ERICH5: variants seen among roughly 807,000 people sequenced by gnomAD.
ERICH5 encodes glutamate rich 5.
A neutral mutation model predicts 28.0 loss-of-function variants in ERICH5; 24 were observed. The observed-to-expected ratio is 0.86, with a 90% confidence interval of 0.62 to 1.21. The LOEUF (loss-of-function observed/expected upper bound fraction) is 1.21. Ranked by LOEUF, ERICH5 falls within the 50% of genes most tolerant of loss-of-function variation. The pLI, the probability that ERICH5 is intolerant of heterozygous loss-of-function variation, is 0.00. For synonymous variants in ERICH5, 163 were observed against 157.6 expected (o/e 1.03, Z -0.25); for missense variants, 421 against 441.2 (o/e 0.95, Z 0.41).
intron 1 of ERICH5, 135 bp from the exon 2 acceptor site, chr8:98,088,941 T>G (rs1352145071): frequency 3.0e-6 from 2 of 655,852 alleles, no homozygotes; most frequent in Non-Finnish European, 5.1e-6. Flanking sequence ...GTATGGCCTT[T>G]CTGTACTCAG....
At chr8:98,077,396 A>G (rs1202380427) in intron 1 of ERICH5, among the ~76,000 whole-genome samples, 2 of 152,164 alleles carry the variant, frequency 1.3e-5, no homozygotes, top group African/African-American at 4.8e-5. Flanking sequence ...CAAATGTTGG[A>G]TTTCCTTGTG....
chr8:98,086,815 G>C (rs1434095202), intron 1 of ERICH5, among the ~76,000 whole-genome samples: 1 of 152,002 alleles, frequency 6.6e-6, no homozygotes, highest in Non-Finnish European at 1.5e-5. Context: ...GCCGGGCGTG[G>C]TGGTGGGTGC....
chr8:98,086,206 T>C lies in ERICH5; in HGVS notation c.59-2870T>C, dbSNP rs143050323. Among the ~76,000 whole-genome samples the C allele has an allele frequency of 3.6e-3, 551 of 152,024 alleles. 4 individuals are homozygous for C. The highest frequency in any genetic ancestry group is 0.012 in the African/African-American group (516 of 41,484). Reference sequence around the variant, plus strand: ...GGAAGAACAGAAAAAAAGACAATAATAGAACAATACTGGAGTTTAGGAAGC... The same window carrying C: ...GGAAGAACAGAAAAAAAGACAATAACAGAACAATACTGGAGTTTAGGAAGC... On this transcript the variant is annotated intron_variant, in intron 1 of 2. Coordinates refer to ENST00000318528, the MANE Select transcript of ERICH5 (RefSeq NM_173549.3).
At position 98,093,202 on chromosome 8, in the gene ERICH5, C is replaced by G; in HGVS notation, c.1013-19C>G. On this transcript the variant is annotated intron_variant, in intron 2 of 2. Transcript: ENST00000318528. The stretch of plus-strand genomic sequence containing the variant: ...TCTAAATAAATGTCTCTTAGTATCT[C>G]CTTTGGTTACTTTTCCAGGTGAGAC... 6.5e-7 allele frequency: 1 copy of G among 1,542,942 alleles called. No individual in the cohort carries two copies. Among genetic ancestry groups the G allele is most frequent in the South Asian group, 1.1e-5 (1 of 88,498 alleles).
intron 1 of ERICH5, among the ~76,000 whole-genome samples, chr8:98,068,463 T>A (rs1814856701): frequency 6.6e-6 from 1 of 152,222 alleles, no homozygotes; most frequent in Admixed American, 6.5e-5. Context: ...GGAAAGAGAC[T>A]TTTCATTCCA....
intron 2 of ERICH5, among the ~76,000 whole-genome samples, chr8:98,091,085 A>C (rs1308208091): frequency 1.3e-5 from 2 of 152,056 alleles, no homozygotes; most frequent in Non-Finnish European, 2.9e-5. Context: ...CTACAGGCGC[A>C]CACCACCATG....
chr8:98,080,950 G>A (rs1815173072), intron 1 of ERICH5, among the ~76,000 whole-genome samples: 5 of 151,958 alleles, frequency 3.3e-5, no homozygotes, highest in Non-Finnish European at 7.4e-5. Context: ...TGATTTGCCC[G>A]CCTCGGCCTC....
chr8:98,073,492 A>G (rs1442809055), intron 1 of ERICH5, among the ~76,000 whole-genome samples: 2 of 2,858 alleles, frequency 7.0e-4, no homozygotes, highest in Non-Finnish European at 1.1e-3. Flanking sequence ...ATATGTATAT[A>G]TATATATATA....
intron 1 of ERICH5, among the ~76,000 whole-genome samples, chr8:98,075,457 C>T (rs190314506): frequency 6.6e-6 from 1 of 151,458 alleles, no homozygotes; most frequent in East Asian, 1.9e-4. Flanking sequence ...TTACAAGTGG[C>T]TTTTCATTCT....
chr8:98,074,472 GAGTACAGCCT>G (rs963607363), intron 1 of ERICH5, among the ~76,000 whole-genome samples: 34 of 140,286 alleles, frequency 2.4e-4, no homozygotes, highest in Non-Finnish European at 2.4e-4. Flanking sequence ...CACCCAGGCT[GAGTACAGCCT>G]CAACTTCCTG....
intron 1 of ERICH5, among the ~76,000 whole-genome samples, chr8:98,065,758 A>G (rs1814808582): frequency 6.6e-6 from 1 of 152,242 alleles, no homozygotes; most frequent in Non-Finnish European, 1.5e-5. Context: ...AGTCTTCTGC[A>G]AGGCGAACTT....
At chr8:98,080,103 G>T (rs933752684) in intron 1 of ERICH5, among the ~76,000 whole-genome samples, 2 of 152,234 alleles carry the variant, frequency 1.3e-5, no homozygotes, top group Non-Finnish European at 2.9e-5. Flanking sequence ...AAGGCTGCAT[G>T]CAGTTCTGCC....
intron 2 of ERICH5, among the ~76,000 whole-genome samples, chr8:98,090,496 C>G (rs924535754): frequency 6.6e-6 from 1 of 151,682 alleles, no homozygotes; most frequent in African/African-American, 2.4e-5. Flanking sequence ...GGTGCAGTGG[C>G]TCACACCTGT....
At chr8:98,092,822 C>T (rs1815430710) in intron 2 of ERICH5, among the ~76,000 whole-genome samples, 1 of 149,708 alleles carries the variant, frequency 6.7e-6, no homozygotes, top group Non-Finnish European at 1.5e-5. Flanking sequence ...GTCGCCCAGA[C>T]TGGAGTGCAG....
chr8:98,077,849 C>A (rs1459771662), intron 1 of ERICH5, among the ~76,000 whole-genome samples: 1 of 152,148 alleles, frequency 6.6e-6, no homozygotes, highest in Non-Finnish European at 1.5e-5. Context: ...GGATTACAGG[C>A]GTGAGTCACC....
At chr8:98,067,614 T>C (rs1814841793) in intron 1 of ERICH5, among the ~76,000 whole-genome samples, 1 of 151,942 alleles carries the variant, frequency 6.6e-6, no homozygotes, top group Non-Finnish European at 1.5e-5. Context: ...AATTATACTA[T>C]GTATCTTTTT....
chr8:98,075,467 T>G (rs1188570904), intron 1 of ERICH5, among the ~76,000 whole-genome samples: 1 of 151,332 alleles, frequency 6.6e-6, no homozygotes, highest in Non-Finnish European at 1.5e-5. Flanking sequence ...CTTTTCATTC[T>G]GGAAAAGAAA....
At chr8:98,084,119 C>A (rs1264520527) in intron 1 of ERICH5, among the ~76,000 whole-genome samples, 1 of 151,340 alleles carries the variant, frequency 6.6e-6, no homozygotes, top group East Asian at 1.9e-4. Flanking sequence ...GAACTCCTGG[C>A]CTCAAGTGAT....
chr8:98,076,323 G>C (rs1815053996), intron 1 of ERICH5, among the ~76,000 whole-genome samples: 1 of 151,866 alleles, frequency 6.6e-6, no homozygotes, highest in Admixed American at 6.6e-5. Context: ...CAAAGTGCTG[G>C]GATTACAGGC....
Sources: allele counts gnomAD v4.1 joint callset (sites outside exome capture counted in the v4.1 genomes callset), GRCh38; gene constraint gnomAD v4.1.1; transcripts MANE v1.5; gene names NCBI Gene and HGNC (gene_info 2026-07-23, HGNC 2026-07-21).